POLA1: variants seen among roughly 807,000 people sequenced by gnomAD.
POLA1 encodes the protein DNA polymerase alpha 1, catalytic subunit.
In POLA1, 15 loss-of-function variants were observed where a neutral mutation model predicts 124.0. That is an observed-to-expected ratio of 0.12 (90% CI 0.08 to 0.19). The LOEUF is 0.19. POLA1 is among the 10% of genes least tolerant of loss of function. The probability of loss-of-function intolerance (pLI) is 1.00; values close to 1 mark genes in which losing one functional copy is unlikely to be tolerated. For synonymous variants in POLA1, 408 were observed against 389.4 expected (o/e 1.05, Z -0.56); for missense variants, 886 against 1,103.4 (o/e 0.80, Z 2.79).
chrX:24,780,371 T>C (rs1035474847), intron 26 of POLA1, among the ~76,000 whole-genome samples: 2 of 112,874 alleles, frequency 1.8e-5, no homozygotes, highest in African/African-American at 6.4e-5. Context: ...ATCTTGTTTC[T>C]GGTATTAGGG....
chrX:24,884,456 A>ATTT (rs1476942869), intron 34 of POLA1, among the ~76,000 whole-genome samples: 4 of 111,946 alleles, frequency 3.6e-5, no homozygotes, highest in Admixed American at 9.5e-5. Context: ...GCCTATATTT[A>ATTT]TTTTTTAACA....
chrX:24,933,585 C>T (rs984421307), intron 36 of POLA1, among the ~76,000 whole-genome samples: 1 of 111,973 alleles, frequency 8.9e-6, no homozygotes, highest in African/African-American at 3.3e-5. Flanking sequence ...TTACTGTAGA[C>T]TCTCCTTTAC....
intron 4 of POLA1, 128 bp from the exon 5 acceptor site, chrX:24,714,426 G>A: frequency 2.2e-6 from 1 of 444,991 alleles, no homozygotes; most frequent in East Asian, 3.9e-5. Context: ...AAAGTGCTGG[G>A]AATACAGGCA....
At chrX:24,962,944 T>C (rs767796378) in intron 36 of POLA1, among the ~76,000 whole-genome samples, 109 of 111,827 alleles carry the variant, frequency 9.7e-4, no homozygotes, top group African/African-American at 3.5e-3. Flanking sequence ...TGGTCCCAAT[T>C]TAGTTATTCT....
At chrX:24,813,827 AAAAAAAG>A (rs1162369383) in intron 29 of POLA1, among the ~76,000 whole-genome samples, 2 of 111,015 alleles carry the variant, frequency 1.8e-5, no homozygotes, top group African/African-American at 6.5e-5. Context: ...AAAAAAAAAA[AAAAAAAG>A]AATTTTTAGG....
chrX:24,703,391 A>G, intron 3 of POLA1, 44 bp downstream of exon 3: 1 of 920,259 alleles, frequency 1.1e-6, no homozygotes, highest in Non-Finnish European at 1.6e-6. Context: ...CTTCCTAGGC[A>G]CTGTGTTAGT....
chrX:24,839,748 T>A (rs946477856), intron 32 of POLA1, among the ~76,000 whole-genome samples: 1 of 112,732 alleles, frequency 8.9e-6, no homozygotes, highest in African/African-American at 3.2e-5. Flanking sequence ...CCTTATCTTT[T>A]GATTAGTGTT....
chrX:24,951,720 T>C (rs193224003), intron 36 of POLA1, among the ~76,000 whole-genome samples: 1 of 111,740 alleles, frequency 8.9e-6, no homozygotes, highest in East Asian at 2.8e-4. Context: ...ATGTCTTTTC[T>C]TTTCCATTAT....
chrX:24,717,530 C>T (rs1410438712), intron 9 of POLA1, 39 bp downstream of exon 9: 1 of 1,201,969 alleles, frequency 8.3e-7, no homozygotes, highest in Non-Finnish European at 1.1e-6. Context: ...AATAGGACCA[C>T]AATTTTTCTG....
chrX:24,942,139 T>TA (rs1465225311), intron 36 of POLA1, among the ~76,000 whole-genome samples: 2 of 112,092 alleles, frequency 1.8e-5, no homozygotes, highest in African/African-American at 6.5e-5. Context: ...ACCTCCTTTT[T>TA]ATAGGACTCT....
chrX:24,923,093 A>T (rs187974709), intron 35 of POLA1, among the ~76,000 whole-genome samples: 1 of 111,511 alleles, frequency 9.0e-6, no homozygotes, highest in Non-Finnish European at 1.9e-5. Context: ...ATATTTCAAC[A>T]TCTGCAGTAT....
chrX:24,716,408 G>A lies in POLA1; in HGVS notation c.572G>A (p.Arg191Lys). The A allele has an allele frequency of 8.4e-7, 1 of 1,187,116 alleles. No individual in the cohort carries two copies. The highest frequency in any genetic ancestry group is 1.1e-6 in the Non-Finnish European group (1 of 873,202). Reference protein sequence around the residue: ...PPPVMILKKKRSIGASPNPFS... With the variant: ...PPPVMILKKKKSIGASPNPFS... ...CCTGTAATGATACTGAAGAAGAAAAGATCCATTGGAGCTTCACCGAATCCT... is the reference window on the plus strand; with the variant it reads ...CCTGTAATGATACTGAAGAAGAAAAAATCCATTGGAGCTTCACCGAATCCT... The change falls in exon 7 of 37, where the codon AGA becomes AAA. Residue 191 changes from arginine (R) to lysine (K), a missense_variant. Arg to Lys is a conservative substitution (Grantham distance 26, BLOSUM62 2). Transcript: ENST00000379068.
intron 36 of POLA1, among the ~76,000 whole-genome samples, chrX:24,965,434 T>C (rs1259983069): frequency 3.6e-5 from 4 of 112,375 alleles, no homozygotes; most frequent in Non-Finnish European, 7.5e-5. Context: ...CTCACATATG[T>C]TTCTTCTTAT....
In POLA1 at chrX:24,916,333, G is replaced by A. The variant is rs2047532659; in HGVS notation, c.4165-14120G>A. ...GTCTCGCTGTGTCGCTCAGGCTAGA[G>A]TGCAGTGGCACGATCTTGGCTCACT... On this transcript the variant is annotated intron_variant, in intron 35 of 36. Coordinates refer to ENST00000379068, the MANE Select transcript of POLA1 (RefSeq NM_001330360.2). Among the ~76,000 whole-genome samples the A allele has an allele frequency of 4.8e-5, 5 of 105,002 alleles. No individual in the cohort carries two copies. In the Admixed American group the frequency reaches 5.1e-4, roughly 11 times the overall value. The allele number at this position is 105,002 out of a possible 115,157, so 91.2% of individuals were successfully genotyped here.
intron 35 of POLA1, among the ~76,000 whole-genome samples, chrX:24,914,553 C>G (rs1170000273): frequency 2.9e-5 from 3 of 104,409 alleles, no homozygotes; most frequent in African/African-American, 1.0e-4. Flanking sequence ...GAAAGTCATT[C>G]CTAAAAATTG....
At chrX:24,730,506 A>G (rs925177493) in intron 15 of POLA1, among the ~76,000 whole-genome samples, 4 of 112,093 alleles carry the variant, frequency 3.6e-5, no homozygotes, top group African/African-American at 1.3e-4. Flanking sequence ...TTGGCCTCCC[A>G]AAGTGCTGGG....
chrX:24,858,576 T>A (rs1165524007), intron 34 of POLA1, among the ~76,000 whole-genome samples: 1 of 112,250 alleles, frequency 8.9e-6, no homozygotes, highest in African/African-American at 3.2e-5. Flanking sequence ...ATCCCTAGGC[T>A]GCATTTCTCA....
At chrX:24,774,209 C>G (rs1298430908) in intron 26 of POLA1, among the ~76,000 whole-genome samples, 1 of 100,499 alleles carries the variant, frequency 1.0e-5, no homozygotes, top group African/African-American at 4.9e-5. Context: ...CCACTCTGCC[C>G]TCTCTGCTTC....
chrX:24,845,067 A>G (rs1428816038), intron 34 of POLA1, among the ~76,000 whole-genome samples: 1 of 111,924 alleles, frequency 8.9e-6, no homozygotes, highest in African/African-American at 3.2e-5. Context: ...CTAAGTTGCA[A>G]ATACTCTGAA....
Sources: gnomAD v4.1 joint callset for allele counts (sites outside exome capture counted in the v4.1 genomes callset) on GRCh38, gnomAD v4.1.1 for gene constraint, MANE v1.5 for transcripts, NCBI Gene and HGNC (gene_info 2026-07-23, HGNC 2026-07-21) for gene names.